Variants in LMO7 observed in about 807,000 individuals in gnomAD.
LMO7 encodes the protein LIM domain only protein 7.
In LMO7, 120 loss-of-function variants were observed where a neutral mutation model predicts 206.5. The ratio of observed to expected loss-of-function variants is 0.58; its 90% confidence interval spans 0.50 to 0.68. LMO7 has a LOEUF of 0.68. Ranked by LOEUF, LMO7 falls within the 30% of genes least tolerant of loss-of-function variation. The probability of loss-of-function intolerance (pLI) is 0.00; values close to 1 mark genes in which losing one functional copy is unlikely to be tolerated. For synonymous variants in LMO7, 706 were observed against 681.5 expected, an observed-to-expected ratio of 1.04 and a Z score of -0.56; for missense variants, 1,959 against 1,957.9, an observed-to-expected ratio of 1.00 and a Z score of -0.01.
intron 19 of LMO7, among the ~76,000 whole-genome samples, 166 bp from the exon 20 acceptor site, chr13:75,837,974 G>A (rs534624491): frequency 1.3e-5 from 2 of 152,100 alleles, no homozygotes; most frequent in Non-Finnish European, 2.9e-5. Flanking sequence ...TACTAAAATT[G>A]TGTGTCCCTG....
intron 3 of LMO7, among the ~76,000 whole-genome samples, chr13:75,743,955 C>T (rs1199212595): frequency 6.6e-6 from 1 of 152,230 alleles, no homozygotes; most frequent in African/African-American, 2.4e-5. Flanking sequence ...TTCTATGGAT[C>T]ACCACTTGTA....
chr13:75,677,573 G>A (rs1271296356), intron 1 of LMO7, among the ~76,000 whole-genome samples: 1 of 151,548 alleles, frequency 6.6e-6, no homozygotes, highest in African/African-American at 2.4e-5. Flanking sequence ...AATTGGAAAT[G>A]AGTGAAATTT....
chr13:75,673,228 C>A (rs1347708369), intron 1 of LMO7, among the ~76,000 whole-genome samples: 1 of 151,928 alleles, frequency 6.6e-6, no homozygotes, highest in Non-Finnish European at 1.5e-5. Context: ...TTTTCATGAT[C>A]TACTGGGCAG....
intron 7 of LMO7, among the ~76,000 whole-genome samples, chr13:75,803,236 C>T (rs1335520452): frequency 1.3e-5 from 2 of 152,190 alleles, no homozygotes; most frequent in Non-Finnish European, 2.9e-5. Flanking sequence ...TAAGCGACTT[C>T]CTGTAGACTG....
At chr13:75,719,261 T>TG (rs71127574) in intron 2 of LMO7, among the ~76,000 whole-genome samples, 71,387 of 151,926 alleles carry the variant, frequency 0.47, 17,467 homozygotes, top group East Asian at 0.65. Flanking sequence ...ATTATAGGCG[T>TG]GAGCCACTGC....
At chr13:75,822,798 TTTCTA>T (rs2057723580) in intron 14 of LMO7, among the ~76,000 whole-genome samples, 1 of 104,182 alleles carries the variant, frequency 9.6e-6, no homozygotes, top group Non-Finnish European at 1.9e-5. Flanking sequence ...ATATATATAG[TTTCTA>T]AAAATTATAT....
chr13:75,778,759 G>C (rs2050879322), intron 4 of LMO7, among the ~76,000 whole-genome samples: 1 of 152,198 alleles, frequency 6.6e-6, no homozygotes, highest in Non-Finnish European at 1.5e-5. Flanking sequence ...TAAACTCGTT[G>C]AAGCTGTAGT....
chr13:75,781,096 C>CTTTTTTTTTTTTTTTTTCTTTTTTTT (rs2051285777), intron 4 of LMO7, among the ~76,000 whole-genome samples: 1 of 41,924 alleles, frequency 2.4e-5, no homozygotes, highest in African/African-American at 1.1e-4. Flanking sequence ...CTCTATTTTC[C>CTTTTTTTTTTTTTTTTTCTTTTTTTT]TTTTTTTTTT....
At chr13:75,796,406 T>C (rs115266286) in intron 5 of LMO7, among the ~76,000 whole-genome samples, 1,550 of 152,330 alleles carry the variant, frequency 0.01, 30 homozygotes, top group African/African-American at 0.033. Flanking sequence ...TGACTACCTT[T>C]TGGAGTCTGG....
intron 1 of LMO7, among the ~76,000 whole-genome samples, chr13:75,703,591 T>C (rs1462685317): frequency 3.9e-5 from 6 of 152,182 alleles, no homozygotes; most frequent in Non-Finnish European, 7.3e-5. Context: ...ACAGTGTAAG[T>C]GAGTGTTGGC....
At chr13:75,835,838 A>G (rs986793953) in intron 18 of LMO7, among the ~76,000 whole-genome samples, 2 of 152,188 alleles carry the variant, frequency 1.3e-5, no homozygotes, top group African/African-American at 2.4e-5. Context: ...GATCAAAAAT[A>G]TAATGTAGAA....
At position 75,737,220 on chromosome 13, in the gene LMO7, A is replaced by T. The variant is rs145898481; in HGVS notation, c.210+10122A>T. ...AGGAAGAATGCCATATAAAGATAGG[A>T]TTGGAGTGATGCATCTACAAGCCAG... On this transcript the variant is annotated intron_variant, in intron 3 of 30. Transcript: ENST00000377534. Among the ~76,000 whole-genome samples the T allele has an allele frequency of 3.3e-5, 5 of 152,220 alleles. No homozygotes were observed. In the East Asian group the frequency reaches 9.7e-4, roughly 29 times the overall value.
chr13:75,832,781 A>G (rs1462387378), intron 15 of LMO7, among the ~76,000 whole-genome samples: 1 of 152,186 alleles, frequency 6.6e-6, no homozygotes, highest in African/African-American at 2.4e-5. Context: ...ACCTAAGCTT[A>G]TCCACGGCCA....
intron 1 of LMO7, among the ~76,000 whole-genome samples, chr13:75,651,211 T>C (rs1323491120): frequency 6.6e-6 from 1 of 152,244 alleles, no homozygotes; most frequent in African/African-American, 2.4e-5. Context: ...AGGAAATTAA[T>C]GTACTTGGCT....
At chr13:75,626,992 G>T (rs1357174358) in intron 2 of LMO7, 1 of 152,058 alleles carries the variant, frequency 6.6e-6, no homozygotes, top group Non-Finnish European at 1.5e-5. Context: ...TAGAATAGGG[G>T]AATGAAGGGG....
intron 3 of LMO7, among the ~76,000 whole-genome samples, chr13:75,749,070 G>A (rs1248548338): frequency 1.3e-5 from 2 of 152,102 alleles, no homozygotes; most frequent in African/African-American, 2.4e-5. Context: ...GCCTCCCAAA[G>A]TGCTGGATTA....
chr13:75,767,727 G>A (rs1171071191), intron 4 of LMO7, among the ~76,000 whole-genome samples: 1 of 152,066 alleles, frequency 6.6e-6, no homozygotes, highest in African/African-American at 2.4e-5. Context: ...GAAGGAACAA[G>A]CACATTGAGC....
intron 4 of LMO7, among the ~76,000 whole-genome samples, chr13:75,774,821 T>C (rs1303244533): frequency 6.6e-6 from 1 of 152,124 alleles, no homozygotes; most frequent in South Asian, 2.1e-4. Flanking sequence ...TGTTTCACAG[T>C]TTGTCTTTTG....
chr13:75,669,736 C>T (rs571531222), intron 1 of LMO7, among the ~76,000 whole-genome samples: 1 of 152,232 alleles, frequency 6.6e-6, no homozygotes, highest in South Asian at 2.1e-4. Flanking sequence ...GCATTCATAG[C>T]TTTTGATTGC....
Sources: allele counts gnomAD v4.1 joint callset (sites outside exome capture counted in the v4.1 genomes callset), GRCh38; gene constraint gnomAD v4.1.1; transcripts MANE v1.5; gene names NCBI Gene and HGNC (gene_info 2026-07-23, HGNC 2026-07-21).